Variants in HNF4A observed in about 807,000 individuals in gnomAD.
HNF4A encodes the protein hepatocyte nuclear factor 4 alpha.
In HNF4A, 15 loss-of-function variants were observed where a neutral mutation model predicts 52.4. The observed-to-expected ratio is 0.29, with a 90% confidence interval of 0.19 to 0.44. The LOEUF (loss-of-function observed/expected upper bound fraction) is 0.44. HNF4A is among the 20% of genes least tolerant of loss of function. HNF4A has a pLI of 1.00. For missense variants in HNF4A, 479 were observed against 647.2 expected (o/e 0.74, Z 2.82); for synonymous variants, 280 against 264.4 (o/e 1.06, Z -0.57).
At chr20:44,413,847 G>A (rs1460897130) in intron 4 of HNF4A, 47 bp downstream of exon 4, 2 of 1,305,074 alleles carry the variant, frequency 1.5e-6, no homozygotes, top group African/African-American at 2.9e-5. Flanking sequence ...CCACACTACA[G>A]AGGAGCTCAC....
chr20:44,385,068 T>TTTTTTTTTTTTTTTTTTTTTTG (rs1280884274), intron 1 of HNF4A, among the ~76,000 whole-genome samples: 1 of 125,608 alleles, frequency 8.0e-6, no homozygotes, highest in Admixed American at 8.1e-5. Flanking sequence ...TCTTTTTTTT[T>TTTTTTTTTTTTTTTTTTTTTTG]TTTTTTTTTT....
chr20:44,387,035 G>A (rs1485356977), intron 1 of HNF4A, among the ~76,000 whole-genome samples: 2 of 152,064 alleles, frequency 1.3e-5, no homozygotes, highest in Non-Finnish European at 2.9e-5. Flanking sequence ...AGGTGTGGTG[G>A]CTCATGCCTG....
At chr20:44,421,491 C>T (rs767760197) in intron 7 of HNF4A, among the ~76,000 whole-genome samples, 11 of 152,140 alleles carry the variant, frequency 7.2e-5, no homozygotes, top group East Asian at 1.9e-4. Context: ...TGGTGGCTCA[C>T]GCCTGTAATC....
intron 7 of HNF4A, among the ~76,000 whole-genome samples, chr20:44,423,141 A>G (rs1293414000): frequency 6.7e-6 from 1 of 150,062 alleles, no homozygotes; most frequent in Non-Finnish European, 1.5e-5. Flanking sequence ...GCATGGTGAA[A>G]CCCCGTCTCT....
intron 1 of HNF4A, among the ~76,000 whole-genome samples, chr20:44,381,249 A>G (rs1291820132): frequency 6.7e-6 from 1 of 149,008 alleles, no homozygotes; most frequent in Non-Finnish European, 1.5e-5. Context: ...GTCCTCGTTC[A>G]TTCTCTGAAG....
intron 1 of HNF4A, among the ~76,000 whole-genome samples, chr20:44,388,923 G>T (rs1164950866): frequency 2.6e-5 from 4 of 152,210 alleles, no homozygotes; most frequent in African/African-American, 9.6e-5. Context: ...CCCCACAGAA[G>T]ACATTGGCTG....
upstream of HNF4A, among the ~76,000 whole-genome samples, chr20:44,397,402 T>A (rs1454004095): frequency 6.6e-6 from 1 of 152,224 alleles, no homozygotes; most frequent in Non-Finnish European, 1.5e-5. Flanking sequence ...TGTATTTTGA[T>A]ACATGCATAC....
chr20:44,412,714 G>C (rs181418484), intron 3 of HNF4A, among the ~76,000 whole-genome samples: 35 of 152,182 alleles, frequency 2.3e-4, no homozygotes, highest in Non-Finnish European at 4.7e-4. Context: ...CTGGGAGCAG[G>C]GAGGGAGCAG....
chr20:44,417,959 ACT>A (rs750353891), intron 5 of HNF4A, among the ~76,000 whole-genome samples: 354 of 145,670 alleles, frequency 2.4e-3, no homozygotes, highest in Non-Finnish European at 4.5e-3. Context: ...ACAGAGTGAG[ACT>A]CTGTCTCAAA....
At chr20:44,391,763 T>C (rs1330271627) in intron 1 of HNF4A, among the ~76,000 whole-genome samples, 1 of 152,176 alleles carries the variant, frequency 6.6e-6, no homozygotes, top group Non-Finnish European at 1.5e-5. Context: ...GCTACTCATG[T>C]ATGATCTTAC....
chr20:44,389,002 A>C lies in HNF4A; in HGVS notation c.50-17056A>C, dbSNP rs8121860. On this transcript the variant is annotated intron_variant, in intron 1 of 9. Transcript: ENST00000316673. ...CCAGATCCAAGTTGCAAAACTGTGG[A>C]GTCTATCAAGTGAGACTTAGCAGCC... Among the ~76,000 whole-genome samples, 739 of 152,320 alleles carry C rather than the reference A, an allele frequency of 4.9e-3. 10 individuals carry two copies. The highest frequency in any genetic ancestry group is 0.017 in the African/African-American group (712 of 41,582).
At chr20:44,419,975 C>A in intron 7 of HNF4A, 99 bp downstream of exon 7, 2 of 1,246,524 alleles carry the variant, frequency 1.6e-6, no homozygotes, top group Non-Finnish European at 2.4e-6. Context: ...ACAGCCTCAT[C>A]TCATGTTAAC....
Position 44,419,825 on chromosome 20 carries a change from A to T in HNF4A, c.841A>T (p.Ile281Phe). ...GGTGCTGCCCTTCCAGGAGCTGCAG[A>T]TCGATGACAATGAGTATGCCTACCT... The change falls in exon 7 of 10, where the codon ATC (isoleucine) becomes TTC (phenylalanine). Residue 281 changes from isoleucine (I) to phenylalanine (F), a missense_variant. Coordinates refer to ENST00000316099, the MANE Select transcript of HNF4A (RefSeq NM_000457.6). 1 of 1,614,120 alleles carries T rather than the reference A, an allele frequency of 6.2e-7. No individual in the cohort carries two copies. The highest frequency in any genetic ancestry group is 2.2e-5 in the East Asian group (1 of 44,884).
chr20:44,368,090 G>A (rs1335826153), intron 1 of HNF4A, among the ~76,000 whole-genome samples: 1 of 128,114 alleles, frequency 7.8e-6, no homozygotes, highest in African/African-American at 3.1e-5. Flanking sequence ...ATATATATGT[G>A]TGTGTGTGTG....
At chr20:44,410,799 C>G (rs1304638392) in intron 3 of HNF4A, among the ~76,000 whole-genome samples, 1 of 151,932 alleles carries the variant, frequency 6.6e-6, no homozygotes, top group African/African-American at 2.4e-5. Context: ...AACTCAGGCT[C>G]CCCAGAGCTG....
At chr20:44,434,080 T>C (rs1232749643), downstream of HNF4A, 1 of 152,198 alleles carries the variant, frequency 6.6e-6, no homozygotes, top group Non-Finnish European at 1.5e-5. Flanking sequence ...GACATCCTCC[T>C]TGGGGATGAG....
At chr20:44,358,478 C>T (rs2062882995) in intron 1 of HNF4A, among the ~76,000 whole-genome samples, 1 of 152,012 alleles carries the variant, frequency 6.6e-6, no homozygotes, top group South Asian at 2.1e-4. Context: ...GGTATGATGG[C>T]ACACGCCTGT....
upstream of HNF4A, among the ~76,000 whole-genome samples, chr20:44,399,396 C>T (rs1235478106): frequency 3.3e-5 from 5 of 152,114 alleles, no homozygotes; most frequent in Non-Finnish European, 7.3e-5. Flanking sequence ...GGTCTCCTGA[C>T]ATCAAATCTA....
chr20:44,375,777 C>G (rs999287534), intron 1 of HNF4A, among the ~76,000 whole-genome samples: 2 of 152,200 alleles, frequency 1.3e-5, no homozygotes, highest in African/African-American at 4.8e-5. Flanking sequence ...CCGAGAACTT[C>G]TCAGAATTCT....
Sources: allele counts gnomAD v4.1 joint callset (sites outside exome capture counted in the v4.1 genomes callset), GRCh38; gene constraint gnomAD v4.1.1; transcripts MANE v1.5; gene names NCBI Gene and HGNC (gene_info 2026-07-23, HGNC 2026-07-21).